The following PIK3CD variants were observed in gnomAD, a reference collection of about 807,000 sequenced individuals.
PIK3CD encodes the protein phosphatidylinositol 4,5-bisphosphate 3-kinase catalytic subunit delta isoform.
Under a neutral mutation model 122.9 loss-of-function variants are expected in PIK3CD, and 20 were observed. That is an observed-to-expected ratio of 0.16 (90% CI 0.11 to 0.24). The LOEUF (loss-of-function observed/expected upper bound fraction) is 0.24. PIK3CD is among the 10% of genes least tolerant of loss of function. The pLI is 1.00. For missense variants in PIK3CD, 787 were observed against 1,406.3 expected (o/e 0.56, Z 7.04); for synonymous variants, 596 against 593.4 (o/e 1.00, Z -0.06).
the PIK3CD span, among the ~76,000 whole-genome samples, chr1:9,639,170 A>G: frequency 5.6e-4 from 86 of 152,278 alleles, no homozygotes; most frequent in African/African-American, 2.0e-3. Flanking sequence ...TCCTGCATGT[A>G]CACTTTTTCA....
At chr1:9,707,293 TCAA>T (rs1646872020) in intron 2 of PIK3CD, among the ~76,000 whole-genome samples, 1 of 150,818 alleles carries the variant, frequency 6.6e-6, no homozygotes, top group South Asian at 2.1e-4. Context: ...TTCATCTTCA[TCAA>T]CAAGAGAGAG....
chr1:9,681,360 C>G (rs1329444211), intron 1 of PIK3CD, among the ~76,000 whole-genome samples: 1 of 152,202 alleles, frequency 6.6e-6, no homozygotes, highest in Non-Finnish European at 1.5e-5. Flanking sequence ...GCCTCACCCT[C>G]TCAAGCAGCT....
intron 2 of PIK3CD, among the ~76,000 whole-genome samples, chr1:9,703,782 T>C (rs1646735558): frequency 6.6e-6 from 1 of 152,210 alleles, no homozygotes; most frequent in Non-Finnish European, 1.5e-5. Context: ...TTTGGGAAGT[T>C]TCCACTTTGG....
the PIK3CD span, among the ~76,000 whole-genome samples, chr1:9,633,233 C>T: frequency 6.6e-6 from 1 of 152,062 alleles, no homozygotes; most frequent in East Asian, 1.9e-4. Context: ...GATCACAAAC[C>T]CCAATTTGTC....
the PIK3CD span, among the ~76,000 whole-genome samples, chr1:9,645,628 CAG>C: frequency 7.8e-6 from 1 of 128,110 alleles, no homozygotes; most frequent in African/African-American, 3.0e-5. Flanking sequence ...TTTTTTGAGA[CAG>C]AGTTTCGCTC....
Position 9,720,405 on chromosome 1 carries a change from C to T in PIK3CD, c.1470+163C>T. 1 of 1,369,392 alleles carries T rather than the reference C, an allele frequency of 7.3e-7. No homozygotes were observed. The highest frequency in any genetic ancestry group is 1.4e-5 in the South Asian group (1 of 69,628). 84.8% of individuals were successfully genotyped at this position (1,369,392 alleles called of 1,614,324 possible). A position where few individuals can be genotyped will look rare whatever the true frequency, so the allele number is the denominator to read the frequency against. On this transcript the variant is annotated intron_variant, in intron 11 of 23. Coordinates refer to ENST00000377346, the MANE Select transcript of PIK3CD (RefSeq NM_005026.5). The surrounding 1 kb of genome is among the most constrained non-coding windows in gnomAD (Gnocchi z 9.0). ...CCATTTTGCCTGCAGGGATGCTGCG[C>T]AGTCTGATGACATTTTCGGTTGTCA...
At chr1:9,703,842 TA>T (rs1200159720) in intron 2 of PIK3CD, among the ~76,000 whole-genome samples, 2 of 152,244 alleles carry the variant, frequency 1.3e-5, no homozygotes, top group Admixed American at 6.5e-5. Flanking sequence ...TGTCTTTTGA[TA>T]AATATACATG....
chr1:9,725,129 G>A (rs1000814081), intron 23 of PIK3CD, among the ~76,000 whole-genome samples, 193 bp downstream of exon 23: 3 of 152,206 alleles, frequency 2.0e-5, no homozygotes, highest in Non-Finnish European at 4.4e-5. Flanking sequence ...GAGTTGAGCC[G>A]CCCAGGCATG....
rs1213745721 is a variant in PIK3CD, at chr1:9,710,714, T to G, written c.141+118T>G. 9.3e-7 allele frequency: 1 copy of G among 1,075,182 alleles called. No homozygotes were observed. Among genetic ancestry groups the G allele is most frequent in the Non-Finnish European group, 1.4e-6 (1 of 701,824 alleles). 66.6% of individuals were successfully genotyped at this position (1,075,182 alleles called of 1,614,324 possible). A position where few individuals can be genotyped will look rare whatever the true frequency, so the allele number is the denominator to read the frequency against. On this transcript the variant is annotated intron_variant, in intron 3 of 23. Coordinates refer to ENST00000377346, the MANE Select transcript of PIK3CD (RefSeq NM_005026.5). This position sits in a 1 kb window ranked among gnomAD's most constrained non-coding sequence, Gnocchi z 4.7. ...ACAGGTGGACAGACGGACAGACAGA[T>G]GGACAGATGCACTGCTTTTCAGACT...
chr1:9,701,840 A>G (rs985889275), intron 2 of PIK3CD, among the ~76,000 whole-genome samples: 1 of 152,138 alleles, frequency 6.6e-6, no homozygotes, highest in Non-Finnish European at 1.5e-5. Context: ...CTGGCAGCCA[A>G]TGAGTTCATG....
intron 1 of PIK3CD, among the ~76,000 whole-genome samples, chr1:9,667,624 C>A (rs1313845665): frequency 6.6e-6 from 1 of 152,164 alleles, no homozygotes. Context: ...GATCTGCCCG[C>A]CTCGGCCTCC....
Position 9,720,561 on chromosome 1 carries a change from C to T in PIK3CD, c.1471-50C>T. ...GCAATGCCCGGCCTGGGGGTCCTGCCCGGGCTGGTCCAGGCCCCTGGGGAC... is the reference window on the plus strand; with the variant it reads ...GCAATGCCCGGCCTGGGGGTCCTGCTCGGGCTGGTCCAGGCCCCTGGGGAC... On this transcript the variant is annotated intron_variant, in intron 11 of 23. Transcript: ENST00000377346. This position sits in a 1 kb window ranked among gnomAD's most constrained non-coding sequence, Gnocchi z 9.0. 2 of 1,548,998 alleles carry T rather than the reference C, an allele frequency of 1.3e-6. No homozygotes were observed. The highest frequency in any genetic ancestry group is 1.4e-5 in the African/African-American group (1 of 73,056).
At position 9,720,549 on chromosome 1, in the gene PIK3CD, T is replaced by G; in HGVS notation, c.1471-62T>G. On this transcript the variant is annotated intron_variant, in intron 11 of 23. Transcript: ENST00000377346. The surrounding 1 kb of genome is among the most constrained non-coding windows in gnomAD (Gnocchi z 9.0). ...ATGATTGGGGTGGCAATGCCCGGCC[T>G]GGGGGTCCTGCCCGGGCTGGTCCAG... 1 of 1,547,836 alleles carries G rather than the reference T, an allele frequency of 6.5e-7. No individual in the cohort carries two copies. The highest frequency in any genetic ancestry group is 8.7e-7 in the Non-Finnish European group (1 of 1,145,432).
At chr1:9,699,372 C>T (rs1646540335) in intron 2 of PIK3CD, among the ~76,000 whole-genome samples, 1 of 152,172 alleles carries the variant, frequency 6.6e-6, no homozygotes, top group Admixed American at 6.6e-5. Context: ...GGCCTCGCCC[C>T]TTCCATTTTC....
the PIK3CD span, among the ~76,000 whole-genome samples, chr1:9,634,830 T>G: frequency 2.6e-5 from 4 of 152,170 alleles, no homozygotes; most frequent in Non-Finnish European, 2.9e-5. Context: ...TTTTTTTGTT[T>G]TGAATAACAA....
intron 23 of PIK3CD, among the ~76,000 whole-genome samples, chr1:9,725,578 A>T (rs1649408529): frequency 6.7e-6 from 1 of 148,952 alleles, no homozygotes; most frequent in South Asian, 2.1e-4. Context: ...AATAAATAAT[A>T]AAAAAAGATA....
intron 1 of PIK3CD, among the ~76,000 whole-genome samples, chr1:9,654,882 AAT>A (rs1245793280): frequency 2.6e-5 from 4 of 151,992 alleles, no homozygotes; most frequent in African/African-American, 9.7e-5. Context: ...CAACATGGTG[AAT>A]ATCTGTCTCT....
intron 1 of PIK3CD, among the ~76,000 whole-genome samples, chr1:9,677,083 G>A (rs975548501): frequency 7.9e-5 from 12 of 152,150 alleles, no homozygotes; most frequent in African/African-American, 1.7e-4. Flanking sequence ...CAGATCTCAC[G>A]AGGATAGGTG....
upstream of PIK3CD, among the ~76,000 whole-genome samples, chr1:9,649,660 A>G (rs540099638): frequency 2.6e-5 from 4 of 152,338 alleles, no homozygotes; most frequent in East Asian, 7.7e-4. Flanking sequence ...CCAAGGGACC[A>G]ATAACAGCTG....
Sources: allele counts gnomAD v4.1 joint callset (sites outside exome capture counted in the v4.1 genomes callset), GRCh38; gene constraint gnomAD v4.1.1; non-coding constraint Gnocchi (gnomAD v3.1); transcripts MANE v1.5; gene names NCBI Gene and HGNC (gene_info 2026-07-23, HGNC 2026-07-21).